The following ARHGAP26 variants were observed in gnomAD, a reference collection of about 807,000 sequenced individuals.
ARHGAP26 encodes the protein Rho GTPase activating protein 26, also known as rho GTPase-activating protein 26.
ARHGAP26 carries 38 observed loss-of-function variants against 104.8 expected under a neutral mutation model. That is an observed-to-expected ratio of 0.36 (90% confidence interval 0.28 to 0.48). The LOEUF (loss-of-function observed/expected upper bound fraction) is 0.48, where lower values mean the gene tolerates loss of function less well. Among genes scored for constraint, ARHGAP26 ranks in the 20% least tolerant of loss-of-function variants. ARHGAP26 has a pLI of 0.99. For missense variants in ARHGAP26, 704 were observed against 947.9 expected (o/e 0.74, Z 3.38); for synonymous variants, 341 against 340.0 (o/e 1.00, Z -0.03).
chr5:143,110,021 C>T (rs919441826), intron 17 of ARHGAP26, among the ~76,000 whole-genome samples: 8 of 152,184 alleles, frequency 5.3e-5, no homozygotes, highest in Non-Finnish European at 1.5e-5. Flanking sequence ...ACCAGCATGC[C>T]ACCCAGGTAC....
intron 1 of ARHGAP26, among the ~76,000 whole-genome samples, chr5:142,780,235 G>A (rs1471616158): frequency 6.6e-6 from 1 of 151,328 alleles, no homozygotes; most frequent in Non-Finnish European, 1.5e-5. Flanking sequence ...TAAATATAGT[G>A]TATGTAACCA....
intron 11 of ARHGAP26, among the ~76,000 whole-genome samples, chr5:142,952,997 C>T (rs1341063480): frequency 6.6e-6 from 1 of 152,200 alleles, no homozygotes; most frequent in African/African-American, 2.4e-5. Flanking sequence ...GCATGAGTCA[C>T]AGCACCCGGC....
intron 3 of ARHGAP26, among the ~76,000 whole-genome samples, chr5:142,877,875 C>T (rs1206880584): frequency 6.6e-6 from 1 of 152,168 alleles, no homozygotes; most frequent in Admixed American, 6.5e-5. Flanking sequence ...CTTGGCACAC[C>T]TTTGTAAGCT....
intron 11 of ARHGAP26, among the ~76,000 whole-genome samples, chr5:142,956,586 CAAAAT>C (rs1287817676): frequency 1.3e-5 from 2 of 151,948 alleles, no homozygotes; most frequent in Non-Finnish European, 2.9e-5. Context: ...CAAAACAAAA[CAAAAT>C]AAAAAAGCAG....
chr5:142,864,552 G>A (rs184284529), intron 1 of ARHGAP26, among the ~76,000 whole-genome samples: 87 of 152,306 alleles, frequency 5.7e-4, no homozygotes, highest in African/African-American at 1.6e-3. Flanking sequence ...TGTGTTTTTA[G>A]TAGTTCACAA....
At chr5:142,838,009 G>C (rs1308149914) in intron 1 of ARHGAP26, among the ~76,000 whole-genome samples, 2 of 152,086 alleles carry the variant, frequency 1.3e-5, no homozygotes, top group African/African-American at 2.4e-5. Context: ...CTGTAGTTCT[G>C]GCACTTTGAG....
intron 12 of ARHGAP26, among the ~76,000 whole-genome samples, chr5:143,015,268 A>G (rs1343030492): frequency 6.6e-6 from 1 of 152,230 alleles, no homozygotes; most frequent in Non-Finnish European, 1.5e-5. Flanking sequence ...GAACACTTGA[A>G]GTCAACTCTG....
chr5:142,927,299 C>T (rs953236182), intron 10 of ARHGAP26, among the ~76,000 whole-genome samples: 1 of 151,040 alleles, frequency 6.6e-6, no homozygotes, highest in African/African-American at 2.4e-5. Context: ...TACCCTTGTG[C>T]CCCTTCTCAG....
chr5:143,048,261 T>C (rs1784498361), intron 14 of ARHGAP26, among the ~76,000 whole-genome samples: 1 of 152,104 alleles, frequency 6.6e-6, no homozygotes, highest in Admixed American at 6.5e-5. Flanking sequence ...GTTTTTGTTG[T>C]CTTATGACTA....
intron 1 of ARHGAP26, among the ~76,000 whole-genome samples, chr5:142,835,500 A>G (rs776372698): frequency 2.6e-5 from 4 of 152,246 alleles, no homozygotes; most frequent in South Asian, 2.1e-4. Flanking sequence ...CATATTACCC[A>G]GATAGATGCT....
At chr5:142,864,743 T>C (rs1753962906) in intron 1 of ARHGAP26, among the ~76,000 whole-genome samples, 2 of 152,192 alleles carry the variant, frequency 1.3e-5, no homozygotes, top group African/African-American at 4.8e-5. Flanking sequence ...TTCCAGAACA[T>C]GTGTCTTTCC....
At chr5:143,014,148 C>A (rs746189762) in intron 12 of ARHGAP26, 32 bp downstream of exon 12, 27 of 1,613,006 alleles carry the variant, frequency 1.7e-5, no homozygotes, top group Non-Finnish European at 2.3e-5. Flanking sequence ...CCTTCTACAG[C>A]CAGGGTTGGG....
chr5:143,125,256 C>T (rs1796596772), intron 18 of ARHGAP26, among the ~76,000 whole-genome samples: 1 of 152,128 alleles, frequency 6.6e-6, no homozygotes, highest in South Asian at 2.1e-4. Flanking sequence ...CTGTTGTTTT[C>T]CAAGGGTTAA....
At chr5:143,029,401 T>A (rs900347517) in intron 12 of ARHGAP26, among the ~76,000 whole-genome samples, 1 of 111,528 alleles carries the variant, frequency 9.0e-6, no homozygotes, top group Admixed American at 8.1e-5. Flanking sequence ...AGTTTTTTTT[T>A]TTTTTTTTTT....
chr5:143,158,378 G>A (rs58269107), intron 20 of ARHGAP26, among the ~76,000 whole-genome samples: 133 of 152,314 alleles, frequency 8.7e-4, no homozygotes, highest in African/African-American at 2.8e-3. Context: ...CACAAAGAGC[G>A]TTGGTCAAAG....
intron 1 of ARHGAP26, among the ~76,000 whole-genome samples, chr5:142,829,809 T>C (rs145842828): frequency 6.6e-6 from 1 of 152,304 alleles, no homozygotes; most frequent in African/African-American, 2.4e-5. Context: ...CATATTGGCC[T>C]AATGTTTTCC....
chr5:142,841,524 T>C (rs765117651), intron 1 of ARHGAP26, among the ~76,000 whole-genome samples: 1 of 152,198 alleles, frequency 6.6e-6, no homozygotes, highest in Non-Finnish European at 1.5e-5. Flanking sequence ...TCCTTTACCC[T>C]AGCTGGAGGT....
At chr5:143,008,418 G>C (rs1778280962) in intron 11 of ARHGAP26, among the ~76,000 whole-genome samples, 1 of 152,240 alleles carries the variant, frequency 6.6e-6, no homozygotes, top group South Asian at 2.1e-4. Context: ...GAGGAGATGA[G>C]ATGATATTCG....
intron 4 of ARHGAP26, among the ~76,000 whole-genome samples, chr5:142,880,872 G>C (rs1458135433): frequency 1.3e-5 from 2 of 152,152 alleles, no homozygotes; most frequent in African/African-American, 4.8e-5. Flanking sequence ...AGGGATGGTT[G>C]ATTACAGTTT....
Sources: gnomAD v4.1 joint callset for allele counts (sites outside exome capture counted in the v4.1 genomes callset) on GRCh38, gnomAD v4.1.1 for gene constraint, MANE v1.5 for transcripts, NCBI Gene and HGNC (gene_info 2026-07-23, HGNC 2026-07-21) for gene names.